TNIP1: variants seen among roughly 807,000 people sequenced by gnomAD.
TNIP1 encodes the protein TNFAIP3-interacting protein 1.
Under a neutral mutation model 86.6 loss-of-function variants are expected in TNIP1, and 22 were observed. The observed-to-expected ratio is 0.25, with a 90% CI of 0.18 to 0.36. The LOEUF is 0.36. TNIP1 is among the 10% of genes least tolerant of loss of function. The pLI, the probability that TNIP1 is intolerant of heterozygous loss-of-function variation, is 1.00. For missense variants in TNIP1, 709 were observed against 820.6 expected, an observed-to-expected ratio of 0.86 and a Z score of 1.66; for synonymous variants, 294 against 313.0, an observed-to-expected ratio of 0.94 and a Z score of 0.64.
intron 1 of TNIP1, among the ~76,000 whole-genome samples, chr5:151,070,703 CA>C (rs1313703467): frequency 3.3e-5 from 5 of 152,100 alleles, no homozygotes; most frequent in Non-Finnish European, 7.4e-5. Flanking sequence ...CAGACATAAA[CA>C]AAAAACTGTC....
chr5:151,061,312 C>T (rs948774626), intron 4 of TNIP1, among the ~76,000 whole-genome samples: 2 of 152,172 alleles, frequency 1.3e-5, no homozygotes, highest in African/African-American at 2.4e-5. Flanking sequence ...ACCTCTGGCT[C>T]TTGGCCCTGC....
intron 11 of TNIP1, among the ~76,000 whole-genome samples, chr5:151,040,729 C>T (rs1188770332): frequency 6.6e-6 from 1 of 152,206 alleles, no homozygotes; most frequent in African/African-American, 2.4e-5. Flanking sequence ...CAGACGTAGG[C>T]TGACTGCTCA....
intron 1 of TNIP1, among the ~76,000 whole-genome samples, chr5:151,073,616 A>G (rs546590892): frequency 7.5e-6 from 1 of 133,212 alleles, no homozygotes; most frequent in South Asian, 2.1e-4. Context: ...GGAATCTTAA[A>G]TGTGCATAGA....
intron 1 of TNIP1, among the ~76,000 whole-genome samples, chr5:151,073,582 T>TTGTGTGTGTGTGTGTGTGTGTG (rs377380185): frequency 9.3e-5 from 14 of 150,312 alleles, no homozygotes; most frequent in African/African-American, 3.5e-4. Flanking sequence ...CAAAAACACA[T>TTGTGTGTGTGTGTGTGTGTGTG]TGTGTGTGTG....
intron 16 of TNIP1, chr5:151,032,628 C>T (rs183342014): frequency 2.6e-4 from 141 of 540,216 alleles, no homozygotes; most frequent in African/African-American, 2.4e-3. Flanking sequence ...AAATCCAGAG[C>T]CAATCTCTTA....
chr5:151,083,080 A>T (rs1006421302), upstream of TNIP1, among the ~76,000 whole-genome samples: 5 of 152,294 alleles, frequency 3.3e-5, no homozygotes, highest in East Asian at 9.6e-4. Context: ...TTGTCTTTAC[A>T]ATGACATGAT....
chr5:151,080,502 G>A (rs1763883397), intron 1 of TNIP1: 1 of 150,868 alleles, frequency 6.6e-6, no homozygotes, highest in Non-Finnish European at 1.5e-5. Flanking sequence ...CGTGACATAT[G>A]TACACTGCTT....
At chr5:151,066,139 A>C (rs2113733587) in intron 1 of TNIP1, among the ~76,000 whole-genome samples, 1 of 152,356 alleles carries the variant, frequency 6.6e-6, no homozygotes, top group East Asian at 1.9e-4. Context: ...AAAGCAGAGG[A>C]GGATGGTGGG....
intron 9 of TNIP1, among the ~76,000 whole-genome samples, chr5:151,043,235 C>T (rs973452907): frequency 1.3e-5 from 2 of 152,212 alleles, no homozygotes; most frequent in African/African-American, 4.8e-5. Context: ...AACACACACA[C>T]CTCTTTGGAG....
chr5:151,062,265 G>A, intron 3 of TNIP1, 53 bp from the exon 4 acceptor site: 3 of 1,534,410 alleles, frequency 2.0e-6, no homozygotes. Context: ...AGAAGCCCAG[G>A]TACCACCCTC....
rs576513848 is a variant in TNIP1, at chr5:151,053,853, C to T, written c.628-1594G>A. Among the ~76,000 whole-genome samples the T allele has an allele frequency of 3.3e-5, 5 of 152,326 alleles. No homozygotes were observed. In the South Asian group the frequency reaches 8.3e-4, roughly 25 times the overall value. ...GACTCATCACTGGCGGGGAGTAAAA[C>T]TCCAATTGGCAGACCCCACACTGGT... is the stretch of plus-strand genomic sequence containing the variant. On this transcript the variant is annotated intron_variant, in intron 6 of 17. Transcript: ENST00000521591.
At chr5:151,061,680 C>G (rs1245503602) in intron 4 of TNIP1, among the ~76,000 whole-genome samples, 1 of 152,094 alleles carries the variant, frequency 6.6e-6, no homozygotes, top group African/African-American at 2.4e-5. Flanking sequence ...GTCTCACTAT[C>G]CTGCCCAGGC....
intron 11 of TNIP1, among the ~76,000 whole-genome samples, chr5:151,040,053 C>T (rs796946136): frequency 2.6e-4 from 40 of 152,298 alleles, no homozygotes; most frequent in African/African-American, 9.4e-4. Flanking sequence ...GGGGCTAGAA[C>T]CCAGGTTTCC....
At chr5:151,086,937 A>T in intron 1 of TNIP1, 1 of 152,454 alleles carries the variant, frequency 6.6e-6, no homozygotes, top group Non-Finnish European at 1.5e-5. Context: ...AGAGCAAGCT[A>T]GGCTGAGAGC....
intron 9 of TNIP1, 82 bp from the exon 10 acceptor site, chr5:151,043,043 T>A (rs1581765605): frequency 2.1e-6 from 3 of 1,410,796 alleles, no homozygotes; most frequent in African/African-American, 2.8e-5. Flanking sequence ...TACACCAGCG[T>A]CCCAAGGTGT....
At chr5:151,071,440 TG>T (rs1233771425) in intron 1 of TNIP1, among the ~76,000 whole-genome samples, 1 of 152,118 alleles carries the variant, frequency 6.6e-6, no homozygotes, top group Non-Finnish European at 1.5e-5. Context: ...AGTAATAACA[TG>T]GGGGGTTGTG....
At chr5:151,085,087 T>C (rs529419645), upstream of TNIP1, among the ~76,000 whole-genome samples, 3 of 152,354 alleles carry the variant, frequency 2.0e-5, no homozygotes, top group Non-Finnish European at 4.4e-5. Context: ...TTCACAGTCA[T>C]TCAGCACCTT....
Position 151,052,351 on chromosome 5 carries a change from C to T in TNIP1, c.628-92G>A, listed in dbSNP as rs1357001972. 8.7e-6 allele frequency: 9 copies of T among 1,040,264 alleles called. No homozygotes were observed. In the Admixed American group the frequency reaches 1.9e-4, roughly 21 times the overall value. 64.4% of individuals were successfully genotyped at this position (1,040,264 alleles called of 1,614,324 possible). On this transcript the variant is annotated intron_variant, in intron 6 of 17. Transcript: ENST00000521591. ...GAGGATGGTGGGGGGCCTGTAGCCA[C>T]CCCAGGGCCCAACTCCTTATCCCCT...
rs112879684 is a variant in TNIP1, at chr5:151,054,410, G to A, written c.628-2151C>T. On this transcript the variant is annotated intron_variant, in intron 6 of 17. Transcript: ENST00000521591. ...GCAAACAGAGAACCAGCTGGGCATG[G>A]TGGCTCACACCAGTAATCCCAGCAC... Among the ~76,000 whole-genome samples, 988 of 152,342 alleles carry A rather than the reference G, an allele frequency of 6.5e-3. 14 individuals are homozygous for A. Among genetic ancestry groups the A allele is most frequent in the African/African-American group, 0.022 (905 of 41,570 alleles).
Sources: gnomAD v4.1 joint callset for allele counts (sites outside exome capture counted in the v4.1 genomes callset) on GRCh38, gnomAD v4.1.1 for gene constraint, MANE v1.5 for transcripts, NCBI Gene and HGNC (gene_info 2026-07-23, HGNC 2026-07-21) for gene names.